DNAH3: variants seen among roughly 807,000 people sequenced by gnomAD.
DNAH3 encodes axonemal beta dynein heavy chain 3.
A neutral mutation model predicts 432.5 loss-of-function variants in DNAH3; 332 were observed. The observed-to-expected ratio is 0.77, with a 90% CI of 0.70 to 0.84. The LOEUF (loss-of-function observed/expected upper bound fraction) is 0.84, where lower values mean the gene tolerates loss of function less well. Among genes scored for constraint, DNAH3 ranks in the 40% least tolerant of loss-of-function variants. DNAH3 has a pLI of 0.00. For synonymous variants in DNAH3, 1,956 were observed against 1,900.2 expected (o/e 1.03, Z -0.76); for missense variants, 4,861 against 5,114.0 (o/e 0.95, Z 1.51).
At chr16:21,118,878 T>C (rs1418310661) in intron 11 of DNAH3, among the ~76,000 whole-genome samples, 3 of 152,184 alleles carry the variant, frequency 2.0e-5, no homozygotes, top group Non-Finnish European at 2.9e-5. Context: ...CTGGGACCCA[T>C]TGTCTTCCAT....
At chr16:21,151,283 T>C (rs1597500706) in intron 1 of DNAH3, among the ~76,000 whole-genome samples, 6 of 151,702 alleles carry the variant, frequency 4.0e-5, no homozygotes, top group Admixed American at 3.9e-4. Flanking sequence ...GATTTGCATA[T>C]AGTAGAAGGA....
At chr16:21,107,382 G>A (rs1320121551) in intron 14 of DNAH3, among the ~76,000 whole-genome samples, 2 of 151,696 alleles carry the variant, frequency 1.3e-5, no homozygotes, top group African/African-American at 4.8e-5. Flanking sequence ...TGGGATTACA[G>A]GTGCCTGCCA....
chr16:20,953,163 GTTTT>G (rs71149202), intron 55 of DNAH3, among the ~76,000 whole-genome samples: 1 of 143,754 alleles, frequency 7.0e-6, no homozygotes, highest in Non-Finnish European at 1.5e-5. Flanking sequence ...TTTGTTTGTT[GTTTT>G]TTTTTTTTGG....
At chr16:21,060,648 C>T (rs926232840) in intron 25 of DNAH3, among the ~76,000 whole-genome samples, 8 of 150,990 alleles carry the variant, frequency 5.3e-5, no homozygotes, top group African/African-American at 1.9e-4. Context: ...CCTCAGCCTC[C>T]CGAGTAGCTG....
chr16:21,064,880 T>TGTGG (rs2090489227), intron 24 of DNAH3, among the ~76,000 whole-genome samples: 1 of 151,618 alleles, frequency 6.6e-6, no homozygotes, highest in South Asian at 2.1e-4. Flanking sequence ...TGTGTGTGTG[T>TGTGG]GTGTGTGTGT....
intron 58 of DNAH3, 99 bp from the exon 59 acceptor site, chr16:20,941,642 A>G: frequency 1.4e-6 from 2 of 1,437,474 alleles, no homozygotes; most frequent in Non-Finnish European, 1.9e-6. Context: ...TTTCAAATGT[A>G]TTCTGTGGGA....
intron 38 of DNAH3, 27 bp from the exon 39 acceptor site, chr16:21,024,728 G>T (rs1330943741): frequency 1.3e-6 from 2 of 1,562,900 alleles, no homozygotes; most frequent in South Asian, 2.2e-5. Flanking sequence ...ACCAGTTTAG[G>T]TGCTCGCTTC....
intron 12 of DNAH3, among the ~76,000 whole-genome samples, chr16:21,113,346 T>C (rs1176066639): frequency 6.6e-6 from 1 of 152,162 alleles, no homozygotes; most frequent in Non-Finnish European, 1.5e-5. Flanking sequence ...TTTTGCTTCT[T>C]CCTCATTATC....
In DNAH3 at chr16:21,127,617, G is replaced by A. The variant is rs1282385016; in HGVS notation, c.1208+70C>T. 52 of 1,564,640 alleles carry A rather than the reference G, an allele frequency of 3.3e-5. No homozygotes were observed. In the Admixed American group the frequency reaches 9.5e-4, roughly 29 times the overall value. The stretch of plus-strand genomic sequence containing the variant: ...GGGACAAACCCCAGGCTGGGTACCA[G>A]CTTCATTTCAGAGGGTTTTCAGTCT... On this transcript the variant is annotated intron_variant, in intron 8 of 61. Coordinates refer to ENST00000261383, the Ensembl canonical transcript of DNAH3.
At chr16:21,027,166 G>A in intron 37 of DNAH3, 39 bp from the exon 38 acceptor site, 1 of 1,460,236 alleles carries the variant, frequency 6.8e-7, no homozygotes, top group Non-Finnish European at 9.6e-7. Context: ...CAGGGGAAAG[G>A]CTTAAATTCC....
chr16:21,010,306 A>G (rs771051033), intron 41 of DNAH3, among the ~76,000 whole-genome samples: 17 of 152,116 alleles, frequency 1.1e-4, no homozygotes, highest in Non-Finnish European at 2.5e-4. Context: ...TTGGTAATGA[A>G]TTGGTAAATG....
intron 19 of DNAH3, 84 bp downstream of exon 19, chr16:21,086,765 T>C (rs930325544): frequency 1.7e-6 from 2 of 1,204,568 alleles, no homozygotes; most frequent in South Asian, 2.5e-5. Context: ...AAGCTTGACC[T>C]AGTAATGTTT....
chr16:21,121,584 C>CT (rs397956825), intron 10 of DNAH3, among the ~76,000 whole-genome samples: 3,462 of 138,552 alleles, frequency 0.025, 130 homozygotes, highest in African/African-American at 0.082. Flanking sequence ...CAAAGTAGGT[C>CT]TTTTTTTTTT....
intron 28 of DNAH3, among the ~76,000 whole-genome samples, chr16:21,054,005 G>A (rs2090046924): frequency 6.6e-6 from 1 of 152,104 alleles, no homozygotes; most frequent in South Asian, 2.1e-4. Flanking sequence ...CTCTCAGCAA[G>A]TTAGTTACCT....
rs569455399 is a variant in DNAH3 at position 20,989,571 on chromosome 16, C to T, written c.6602-1506G>A. ...GTCCCCACCAGACTCAGGAGCCCAG[C>T]TGGCTTCACCTAGTGGATCCCGCAC... On this transcript the variant is annotated intron_variant, in intron 44 of 61. Transcript: ENST00000261383. Among the ~76,000 whole-genome samples, 25 of 152,380 alleles carry T rather than the reference C, an allele frequency of 1.6e-4. No individual in the cohort carries two copies. The South Asian group carries it at 4.8e-3, about 29-fold the overall frequency.
intron 55 of DNAH3, among the ~76,000 whole-genome samples, chr16:20,953,485 A>T (rs1470099734): frequency 1.3e-5 from 2 of 151,992 alleles, no homozygotes; most frequent in African/African-American, 4.8e-5. Context: ...ATTTCCTCCC[A>T]AACACTCGCT....
At position 21,086,847 on chromosome 16, in the gene DNAH3, A is replaced by C. The variant is rs1178275739; in HGVS notation, c.2877+2T>G. Reference sequence around the variant, plus strand: ...TGGGGGCGGGCAGTGATTGATAGAAACCTGCTGCCAGTGTCGGTCTTTCAT... The same window carrying C: ...TGGGGGCGGGCAGTGATTGATAGAACCCTGCTGCCAGTGTCGGTCTTTCAT... On this transcript the variant is annotated splice_donor_variant, in intron 19 of 61. Coordinates refer to ENST00000261383, the Ensembl canonical transcript of DNAH3. LOFTEE classifies it high-confidence loss of function. 5.0e-6 allele frequency: 8 copies of C among 1,613,954 alleles called. No homozygotes were observed. The highest frequency in any genetic ancestry group is 5.9e-6 in the Non-Finnish European group (7 of 1,179,904).
intron 48 of DNAH3, among the ~76,000 whole-genome samples, chr16:20,983,438 A>T (rs2086013419): frequency 6.6e-6 from 1 of 151,408 alleles, no homozygotes; most frequent in African/African-American, 2.4e-5. Context: ...ATTACCTTCT[A>T]ACTGGTCTCC....
chr16:21,069,645 A>G (rs769276896), intron 22 of DNAH3, 51 bp from the exon 23 acceptor site: 9 of 1,511,838 alleles, frequency 6.0e-6, no homozygotes, highest in Non-Finnish European at 6.4e-6. Context: ...ACTCTGCATC[A>G]CAGGCCCATG....
Sources: gnomAD v4.1 joint callset for allele counts (sites outside exome capture counted in the v4.1 genomes callset) on GRCh38, gnomAD v4.1.1 for gene constraint, MANE v1.5 for transcripts, NCBI Gene and HGNC (gene_info 2026-07-23, HGNC 2026-07-21) for gene names.